ANKS1B: variants seen among roughly 807,000 people sequenced by gnomAD.
The protein encoded by ANKS1B is ankyrin repeat and sterile alpha motif domain containing 1B.
Under a neutral mutation model 148.3 loss-of-function variants are expected in ANKS1B, and 36 were observed. The ratio of observed to expected loss-of-function variants is 0.24; its 90% CI spans 0.19 to 0.32. ANKS1B has a LOEUF of 0.32. Among genes scored for constraint, ANKS1B ranks in the 10% least tolerant of loss-of-function variants. The pLI, the probability that ANKS1B is intolerant of heterozygous loss-of-function variation, is 1.00. For synonymous variants in ANKS1B, 542 were observed against 560.8 expected (o/e 0.97, Z 0.47); for missense variants, 1,157 against 1,542.6 (o/e 0.75, Z 4.19).
intron 17 of ANKS1B, among the ~76,000 whole-genome samples, chr12:99,047,777 T>G (rs969821255): frequency 6.6e-6 from 1 of 152,274 alleles, no homozygotes; most frequent in East Asian, 1.9e-4. Context: ...ACAAAAGCTG[T>G]GAAAATTTAT....
intron 11 of ANKS1B, among the ~76,000 whole-genome samples, chr12:99,411,069 AAAG>A (rs368134928): frequency 3.1e-4 from 47 of 152,270 alleles, no homozygotes; most frequent in African/African-American, 1.1e-3. Flanking sequence ...AGCAGGTGGA[AAAG>A]AATTTTACTC....
At chr12:99,272,039 T>C (rs948614234) in intron 12 of ANKS1B, among the ~76,000 whole-genome samples, 8 of 152,046 alleles carry the variant, frequency 5.3e-5, no homozygotes, top group Non-Finnish European at 1.0e-4. Context: ...TGATTATCAA[T>C]GTTCACCTGA....
chr12:99,533,063 G>C (rs1164349199), intron 9 of ANKS1B, among the ~76,000 whole-genome samples: 2 of 152,160 alleles, frequency 1.3e-5, no homozygotes, highest in Non-Finnish European at 2.9e-5. Context: ...ATTCTGTGAA[G>C]AATGACATTG....
At chr12:98,937,311 T>A (rs776837211) in intron 17 of ANKS1B, among the ~76,000 whole-genome samples, 20 of 152,316 alleles carry the variant, frequency 1.3e-4, no homozygotes, top group East Asian at 3.9e-4. Flanking sequence ...GCTTTTTTTT[T>A]AATTAATAGG....
intron 10 of ANKS1B, among the ~76,000 whole-genome samples, chr12:99,460,018 C>T (rs1001429264): frequency 1.3e-5 from 2 of 151,948 alleles, no homozygotes; most frequent in African/African-American, 2.4e-5. Context: ...ACTATAAGGC[C>T]ACAGTTGCCA....
chr12:99,005,305 A>T (rs553190521), intron 17 of ANKS1B, among the ~76,000 whole-genome samples: 9 of 152,092 alleles, frequency 5.9e-5, no homozygotes, highest in African/African-American at 1.9e-4. Flanking sequence ...CCGGTGTGAC[A>T]GCAGGTCTGG....
At chr12:99,786,251 C>T (rs1301812116) in intron 4 of ANKS1B, among the ~76,000 whole-genome samples, 1 of 152,096 alleles carries the variant, frequency 6.6e-6, no homozygotes, top group African/African-American at 2.4e-5. Context: ...AAATAGAATT[C>T]CCCACAGCCT....
intron 4 of ANKS1B, among the ~76,000 whole-genome samples, chr12:99,804,346 G>A (rs996176389): frequency 1.3e-5 from 2 of 152,128 alleles, no homozygotes; most frequent in African/African-American, 2.4e-5. Flanking sequence ...ACCCCTTTGA[G>A]GAGAGAGACT....
intron 19 of ANKS1B, among the ~76,000 whole-genome samples, chr12:98,816,745 G>A (rs2099144643): frequency 2.6e-5 from 4 of 152,254 alleles, no homozygotes; most frequent in South Asian, 2.1e-4. Flanking sequence ...TTTAATCAAC[G>A]TTTATGGCAT....
At chr12:98,876,852 G>A (rs1321084056) in intron 17 of ANKS1B, among the ~76,000 whole-genome samples, 1 of 152,160 alleles carries the variant, frequency 6.6e-6, no homozygotes, top group African/African-American at 2.4e-5. Context: ...TGATATTTTA[G>A]ACTGCTTTCT....
At chr12:98,767,977 A>T (rs2098507838) in intron 25 of ANKS1B, among the ~76,000 whole-genome samples, 1 of 152,152 alleles carries the variant, frequency 6.6e-6, no homozygotes, top group African/African-American at 2.4e-5. Context: ...AGGAGAGAAA[A>T]GCTGAGTCCA....
intron 12 of ANKS1B, among the ~76,000 whole-genome samples, chr12:99,263,030 A>G (rs2076085315): frequency 6.6e-6 from 1 of 152,046 alleles, no homozygotes; most frequent in Admixed American, 6.6e-5. Context: ...CAGATGCATT[A>G]TCTGATTTCA....
intron 11 of ANKS1B, 108 bp downstream of exon 11, chr12:99,443,565 T>C (rs2095585500): frequency 1.7e-6 from 2 of 1,148,904 alleles, no homozygotes; most frequent in Non-Finnish European, 2.4e-6. Context: ...TAGAAATCCA[T>C]TGACATACCA....
In ANKS1B at chr12:99,098,759, T is replaced by A. The variant is rs149217117; in HGVS notation, c.2527-13736A>T. Among the ~76,000 whole-genome samples the A allele has an allele frequency of 3.9e-3, 575 of 146,540 alleles. 22 individuals carry two copies. In the East Asian group the frequency reaches 0.087, roughly 22 times the overall value. ...TGTGTGATGGCAGAAAAATTCAGGGTTCCCCCCCCCACCCCCAGCTCTGCC... is the reference window on the plus strand; with the variant it reads ...TGTGTGATGGCAGAAAAATTCAGGGATCCCCCCCCCACCCCCAGCTCTGCC... On this transcript the variant is annotated intron_variant, in intron 15 of 26. Coordinates refer to ENST00000683438, the MANE Select transcript of ANKS1B (RefSeq NM_001352186.2).
At chr12:98,853,379 A>G (rs1275064832) in intron 17 of ANKS1B, among the ~76,000 whole-genome samples, 1 of 152,152 alleles carries the variant, frequency 6.6e-6, no homozygotes, top group Non-Finnish European at 1.5e-5. Flanking sequence ...TGTTCTGCAA[A>G]GCCTCTGAAC....
chr12:99,311,948 T>C (rs1257254755), intron 12 of ANKS1B, among the ~76,000 whole-genome samples: 1 of 152,128 alleles, frequency 6.6e-6, no homozygotes, highest in Non-Finnish European at 1.5e-5. Context: ...AAGCAAACTA[T>C]AGGATTCAAT....
intron 22 of ANKS1B, among the ~76,000 whole-genome samples, chr12:98,791,217 T>A (rs1484122789): frequency 6.6e-6 from 1 of 151,804 alleles, no homozygotes; most frequent in East Asian, 1.9e-4. Flanking sequence ...TGGTGGCGGA[T>A]GCCTGTAGTC....
intron 14 of ANKS1B, among the ~76,000 whole-genome samples, chr12:99,155,856 G>A (rs1369022644): frequency 2.0e-5 from 3 of 152,036 alleles, no homozygotes; most frequent in Admixed American, 6.6e-5. Context: ...TACTTCTCAC[G>A]AAGCCTCAAT....
chr12:98,765,906 C>T (rs1406032263), intron 25 of ANKS1B, among the ~76,000 whole-genome samples: 2 of 152,176 alleles, frequency 1.3e-5, no homozygotes, highest in African/African-American at 2.4e-5. Flanking sequence ...ATGGCATTCT[C>T]GCCCAAACTA....
Sources: allele counts gnomAD v4.1 joint callset (sites outside exome capture counted in the v4.1 genomes callset), GRCh38; gene constraint gnomAD v4.1.1; transcripts MANE v1.5; gene names NCBI Gene and HGNC (gene_info 2026-07-23, HGNC 2026-07-21).